ARFGEF1: variants seen among roughly 807,000 people sequenced by gnomAD.
ARFGEF1 encodes the protein brefeldin A-inhibited guanine nucleotide-exchange protein 1.
A neutral mutation model predicts 231.0 loss-of-function variants in ARFGEF1; 42 were observed. That is an observed-to-expected ratio of 0.18 (90% CI 0.14 to 0.24). The LOEUF (loss-of-function observed/expected upper bound fraction) is 0.24, where lower values mean the gene tolerates loss of function less well. Ranked by LOEUF, ARFGEF1 falls within the 10% of genes least tolerant of loss-of-function variation. The pLI is 1.00. For synonymous variants in ARFGEF1, 710 were observed against 732.3 expected, an observed-to-expected ratio of 0.97 and a Z score of 0.49; for missense variants, 1,345 against 2,192.0, an observed-to-expected ratio of 0.61 and a Z score of 7.72.
intron 17 of ARFGEF1, among the ~76,000 whole-genome samples, chr8:67,254,382 C>T (rs142030179): frequency 7.2e-5 from 11 of 152,192 alleles, no homozygotes; most frequent in African/African-American, 2.2e-4. Flanking sequence ...TATATTTCTA[C>T]GTCTTATATG....
At chr8:67,266,855 C>T (rs1457705412) in intron 13 of ARFGEF1, 21 bp downstream of exon 13, 1 of 1,582,774 alleles carries the variant, frequency 6.3e-7, no homozygotes, top group Non-Finnish European at 8.6e-7. Context: ...CAAAGAATTA[C>T]AGCTCAAAAT....
intron 1 of ARFGEF1, among the ~76,000 whole-genome samples, chr8:67,326,474 G>A (rs1807839079): frequency 6.6e-6 from 1 of 152,164 alleles, no homozygotes; most frequent in East Asian, 1.9e-4. Flanking sequence ...GGCCTAAATG[G>A]ATACATACAT....
At chr8:67,295,779 A>G (rs867258510) in intron 5 of ARFGEF1, among the ~76,000 whole-genome samples, 2 of 152,166 alleles carry the variant, frequency 1.3e-5, no homozygotes, top group South Asian at 4.1e-4. Flanking sequence ...TCTGCTTTTG[A>G]TAATTGTACT....
rs112693402 is a variant in ARFGEF1, at chr8:67,207,568, C to T, written c.4820-2749G>A. On this transcript the variant is annotated intron_variant, in intron 34 of 38. Transcript: ENST00000262215. ...CACTGCCAGGGTTATATTAGTCAAC[C>T]ATTTCATTGTCCACACAACAGAGAG... is the stretch of plus-strand genomic sequence containing the variant. Among the ~76,000 whole-genome samples the T allele has an allele frequency of 2.0e-3, 299 of 152,322 alleles. 4 individuals are homozygous for T. Among genetic ancestry groups the T allele is most frequent in the African/African-American group, 6.8e-3 (284 of 41,562 alleles).
At chr8:67,326,462 A>G (rs1807838130) in intron 1 of ARFGEF1, among the ~76,000 whole-genome samples, 1 of 152,212 alleles carries the variant, frequency 6.6e-6, no homozygotes. Context: ...ATGTGTTGAG[A>G]AGGCCTAAAT....
At chr8:67,282,078 TAAC>T (rs1805558588) in intron 7 of ARFGEF1, among the ~76,000 whole-genome samples, 1 of 152,108 alleles carries the variant, frequency 6.6e-6, no homozygotes, top group Non-Finnish European at 1.5e-5. Flanking sequence ...AAAGTTCACC[TAAC>T]AACATACATT....
intron 17 of ARFGEF1, among the ~76,000 whole-genome samples, chr8:67,257,008 T>G (rs1403795934): frequency 6.6e-6 from 1 of 152,144 alleles, no homozygotes; most frequent in Non-Finnish European, 1.5e-5. Flanking sequence ...GGCCATAAGT[T>G]GATAACTGTG....
intron 34 of ARFGEF1, among the ~76,000 whole-genome samples, chr8:67,210,902 A>G (rs1838712599): frequency 1.3e-5 from 2 of 150,790 alleles, no homozygotes; most frequent in Non-Finnish European, 3.0e-5. Flanking sequence ...AAACTACAAA[A>G]ATCAGCTGGA....
At position 67,275,956 on chromosome 8, in the gene ARFGEF1, C is replaced by A; in HGVS notation, c.1337+20G>T. 2.5e-6 allele frequency: 4 copies of A among 1,612,184 alleles called. No homozygotes were observed. Among genetic ancestry groups the A allele is most frequent in the Non-Finnish European group, 3.4e-6 (4 of 1,178,904 alleles). On this transcript the variant is annotated intron_variant, in intron 9 of 38. Transcript: ENST00000262215. Reference sequence around the variant, plus strand: ...AGCCTAAAAACCTCTATTTGTCAGGCAAAACAGTTAATAACTTACTTTGGA... The same window carrying A: ...AGCCTAAAAACCTCTATTTGTCAGGAAAAACAGTTAATAACTTACTTTGGA...
At position 67,292,092 on chromosome 8, in the gene ARFGEF1, C is replaced by A. The variant is rs1330010304; in HGVS notation, c.671G>T (p.Arg224Met). 2 of 1,613,110 alleles carry A rather than the reference C, an allele frequency of 1.2e-6. No homozygotes were observed. Among genetic ancestry groups the A allele is most frequent in the Non-Finnish European group, 1.7e-6 (2 of 1,179,636 alleles). The change falls in exon 6 of 39, where the codon AGG becomes ATG. Residue 224 changes from arginine to methionine, a missense_variant. Transcript: ENST00000262215. ...LQEAKQMEKE[R>M]HRQHHHLLQS... The stretch of plus-strand genomic sequence containing the variant: ...TAACAGATGATGATGCTGCCGATGC[C>A]TTTCTTTTTCCATTTGTTTTGCTTC...
At chr8:67,271,477 A>G (rs183103674) in intron 10 of ARFGEF1, among the ~76,000 whole-genome samples, 1 of 152,344 alleles carries the variant, frequency 6.6e-6, no homozygotes, top group African/African-American at 2.4e-5. Flanking sequence ...AAGTTCCTTG[A>G]GGACAGTGGC....
At chr8:67,219,749 G>GA (rs144023880) in intron 29 of ARFGEF1, among the ~76,000 whole-genome samples, 189 bp from the exon 30 acceptor site, 2,556 of 151,774 alleles carry the variant, frequency 0.017, 70 homozygotes, top group African/African-American at 0.059. Flanking sequence ...CATCATTCGG[G>GA]AAAAAAAATC....
At chr8:67,175,665 CTG>C in intron 5 of ARFGEF1, 1 of 648,814 alleles carries the variant, frequency 1.5e-6, no homozygotes, top group South Asian at 1.5e-5. Context: ...CAGTCATTCA[CTG>C]TAGCCAGGAG....
chr8:67,285,036 A>G (rs1419855702), intron 7 of ARFGEF1, among the ~76,000 whole-genome samples: 3 of 148,836 alleles, frequency 2.0e-5, no homozygotes, highest in Non-Finnish European at 3.0e-5. Flanking sequence ...AATAATGATG[A>G]TACAGGATTA....
intron 17 of ARFGEF1, among the ~76,000 whole-genome samples, chr8:67,256,813 T>A (rs1332919478): frequency 3.3e-5 from 5 of 152,226 alleles, no homozygotes; most frequent in Non-Finnish European, 5.9e-5. Context: ...CAAAAGAACA[T>A]TTCTAGATAT....
chr8:67,257,787 G>A lies in ARFGEF1; in HGVS notation c.2471C>T (p.Ala824Val). The change falls in exon 17 of 39, where the codon GCT (alanine) becomes GTT (valine). Residue 824 changes from alanine to valine, a missense_variant. Around this residue, in one of 14 missense-constraint regions of ARFGEF1, gnomAD observed 58 missense variants for 133.6 expected, o/e 0.43. Transcript: ENST00000262215. ...GATAATTGAATAAGCCAAAACATAA[G>A]CTGTATCCGCACTAGCAAAGAGAGT... ...GQTLFASADT[A>V]YVLAYSIIML... 1 of 1,610,834 alleles carries A rather than the reference G, an allele frequency of 6.2e-7. No individual in the cohort carries two copies. The highest frequency in any genetic ancestry group is 8.5e-7 in the Non-Finnish European group (1 of 1,179,098).
Position 67,197,850 on chromosome 8 carries a change from C to A in ARFGEF1, c.*1084G>T. On this transcript the variant is annotated 3_prime_UTR_variant, in exon 39 of 39. Transcript: ENST00000262215. ...TCCACTGTTAATACGGAATGCTTGA[C>A]AATCTTGTCTTTTAACCATCAGAGC... The A allele has an allele frequency of 1.0e-6, 1 of 985,852 alleles. No homozygotes were observed. The highest frequency in any genetic ancestry group is 1.2e-6 in the Non-Finnish European group (1 of 829,932). The allele number at this position is 985,852 out of a possible 1,614,324, so 61.1% of individuals were successfully genotyped here.
At chr8:67,323,505 A>G (rs187279503) in intron 1 of ARFGEF1, among the ~76,000 whole-genome samples, 32 of 152,272 alleles carry the variant, frequency 2.1e-4, no homozygotes, top group African/African-American at 7.2e-4. Context: ...CAATATAACC[A>G]TAAGTCCATT....
At chr8:67,321,974 G>A (rs2128928178) in intron 1 of ARFGEF1, among the ~76,000 whole-genome samples, 1 of 152,208 alleles carries the variant, frequency 6.6e-6, no homozygotes, top group Middle Eastern at 3.4e-3. Flanking sequence ...TCATCTCTCT[G>A]CATGCCCTTC....
Sources: gnomAD v4.1 joint callset for allele counts (sites outside exome capture counted in the v4.1 genomes callset) on GRCh38, gnomAD v4.1.1 for gene constraint, gnomAD v4.1.1 regional missense constraint, MANE v1.5 for transcripts, NCBI Gene and HGNC (gene_info 2026-07-23, HGNC 2026-07-21) for gene names.